Variants in NTM observed in about 807,000 individuals in gnomAD.
The protein encoded by NTM is neurotrimin, also known as IgLON family member 2.
NTM carries 13 observed loss-of-function variants against 42.1 expected under a neutral mutation model. The ratio of observed to expected loss-of-function variants is 0.31; its 90% CI spans 0.20 to 0.49. The LOEUF is 0.49. Ranked by LOEUF, NTM falls within the 20% of genes least tolerant of loss-of-function variation. NTM has a pLI of 0.99. For missense variants in NTM, 373 were observed against 452.8 expected (o/e 0.82, Z 1.60); for synonymous variants, 187 against 179.2 (o/e 1.04, Z -0.35).
intron 1 of NTM, among the ~76,000 whole-genome samples, chr11:131,687,146 T>C (rs2073992328): frequency 6.6e-6 from 1 of 152,196 alleles, no homozygotes; most frequent in Non-Finnish European, 1.5e-5. Flanking sequence ...CGTCATGCAA[T>C]GCTTCCCACT....
rs398115981 is a variant in NTM, at chr11:131,849,968, TA to T, written c.83-61594del. On this transcript the variant is annotated intron_variant, in intron 1 of 8. Transcript: ENST00000683400. ...TACATGTACCCTAAAACTTAAAGTA[TA>T]ATAATAATAATAATAATAATAATAA... Among the ~76,000 whole-genome samples, 8 of 16,220 alleles carry T rather than the reference TA, an allele frequency of 4.9e-4. No homozygotes were observed. In the East Asian group the frequency reaches 0.015, roughly 30 times the overall value. 10.6% of individuals were successfully genotyped at this position (16,220 alleles called of 152,430 possible). A position where few individuals can be genotyped will look rare whatever the true frequency, so the allele number is the denominator to read the frequency against.
chr11:131,435,398 A>G (rs1949040237), intron 1 of NTM, among the ~76,000 whole-genome samples: 1 of 152,126 alleles, frequency 6.6e-6, no homozygotes, highest in African/African-American at 2.4e-5. Flanking sequence ...CCATTTTCAC[A>G]ATGTTGATTC....
chr11:131,482,248 T>C (rs1274700789), intron 1 of NTM, among the ~76,000 whole-genome samples: 2 of 152,144 alleles, frequency 1.3e-5, no homozygotes, highest in African/African-American at 2.4e-5. Flanking sequence ...CCCCAGACAA[T>C]GTGTTCTGCA....
At chr11:132,255,840 C>G (rs111326248) in intron 4 of NTM, among the ~76,000 whole-genome samples, 5 of 152,258 alleles carry the variant, frequency 3.3e-5, no homozygotes, top group African/African-American at 9.6e-5. Flanking sequence ...CACTGCCGTC[C>G]TGTTGCTTTC....
At chr11:132,042,474 G>T (rs976999965) in intron 2 of NTM, among the ~76,000 whole-genome samples, 2 of 152,186 alleles carry the variant, frequency 1.3e-5, no homozygotes, top group Non-Finnish European at 2.9e-5. Flanking sequence ...CAATGTCCCA[G>T]ATGCTGGGAT....
At chr11:131,717,298 A>T (rs796152901) in intron 1 of NTM, among the ~76,000 whole-genome samples, 13 of 152,324 alleles carry the variant, frequency 8.5e-5, no homozygotes, top group African/African-American at 3.1e-4. Context: ...TTGAAATTGT[A>T]TTGAATTTAT....
chr11:131,901,084 T>C (rs1426098043), intron 1 of NTM, among the ~76,000 whole-genome samples: 1 of 152,232 alleles, frequency 6.6e-6, no homozygotes, highest in Non-Finnish European at 1.5e-5. Context: ...GTGGAGTTGG[T>C]ACTACAGGCC....
chr11:131,780,069 T>C (rs1565537602), intron 1 of NTM, among the ~76,000 whole-genome samples: 1 of 152,304 alleles, frequency 6.6e-6, no homozygotes, highest in East Asian at 1.9e-4. Context: ...TTGAGGCTAG[T>C]GAATCTGGAT....
chr11:131,627,258 GGAC>G (rs2063213248), intron 1 of NTM, among the ~76,000 whole-genome samples: 1 of 151,142 alleles, frequency 6.6e-6, no homozygotes, highest in Non-Finnish European at 1.5e-5. Context: ...GTATGGGGAA[GGAC>G]GTAAATAGGA....
intron 5 of NTM, among the ~76,000 whole-genome samples, chr11:132,309,031 G>T (rs1179661878): frequency 1.3e-5 from 2 of 152,164 alleles, no homozygotes; most frequent in Non-Finnish European, 2.9e-5. Context: ...TTGTCCATAA[G>T]ATAAAAGCAA....
At chr11:131,658,746 G>A (rs1251204865) in intron 1 of NTM, among the ~76,000 whole-genome samples, 1 of 152,150 alleles carries the variant, frequency 6.6e-6, no homozygotes, top group Non-Finnish European at 1.5e-5. Flanking sequence ...GAGGTGGGCG[G>A]ATCACCAGAG....
chr11:132,014,952 A>G (rs911459940), intron 2 of NTM, among the ~76,000 whole-genome samples: 1 of 151,848 alleles, frequency 6.6e-6, no homozygotes, highest in Non-Finnish European at 1.5e-5. Flanking sequence ...GATCTTAGCC[A>G]TATAATTCTT....
At chr11:132,189,677 C>A (rs938088104) in intron 3 of NTM, among the ~76,000 whole-genome samples, 2 of 151,322 alleles carry the variant, frequency 1.3e-5, no homozygotes, top group Admixed American at 1.3e-4. Context: ...CAGACACACA[C>A]GATACTTGAG....
chr11:131,663,857 T>C (rs2068528842), intron 1 of NTM, among the ~76,000 whole-genome samples: 1 of 152,220 alleles, frequency 6.6e-6, no homozygotes, highest in Non-Finnish European at 1.5e-5. Context: ...TATCATCCTC[T>C]TCTTACAAAC....
intron 3 of NTM, among the ~76,000 whole-genome samples, chr11:132,178,638 C>T (rs536609558): frequency 5.3e-5 from 8 of 152,184 alleles, no homozygotes; most frequent in African/African-American, 1.2e-4. Context: ...GGACAATTGA[C>T]GCCTTGTGTA....
chr11:131,999,095 T>G (rs1001909348), intron 2 of NTM, among the ~76,000 whole-genome samples: 61 of 152,084 alleles, frequency 4.0e-4, no homozygotes, highest in Admixed American at 4.0e-3. Flanking sequence ...ATGTGGAAGT[T>G]TAACCATTAC....
chr11:131,624,405 C>T (rs374445859), intron 1 of NTM, among the ~76,000 whole-genome samples: 1 of 152,232 alleles, frequency 6.6e-6, no homozygotes, highest in African/African-American at 2.4e-5. Context: ...CTATCTACTG[C>T]ACAGAGCAGT....
chr11:131,971,933 C>T (rs954635259), intron 2 of NTM, among the ~76,000 whole-genome samples: 2 of 151,074 alleles, frequency 1.3e-5, no homozygotes, highest in Middle Eastern at 3.4e-3. Flanking sequence ...GTAGTCCCAG[C>T]TTGGGAGGCT....
At chr11:131,523,776 C>G in intron 1 of NTM, among the ~76,000 whole-genome samples, 1 of 106,026 alleles carries the variant, frequency 9.4e-6, no homozygotes. Context: ...GAGCGAGACT[C>G]CATCTCAAAA....
Sources: allele counts gnomAD v4.1 joint callset (sites outside exome capture counted in the v4.1 genomes callset), GRCh38; gene constraint gnomAD v4.1.1; transcripts MANE v1.5; gene names NCBI Gene and HGNC (gene_info 2026-07-23, HGNC 2026-07-21).